Variants in CLASP2 observed in about 807,000 individuals in gnomAD.
The protein encoded by CLASP2 is CLIP-associating protein 2.
A neutral mutation model predicts 194.4 loss-of-function variants in CLASP2; 47 were observed. That is an observed-to-expected ratio of 0.24 (90% confidence interval 0.19 to 0.31). The LOEUF (loss-of-function observed/expected upper bound fraction) is 0.31, where lower values mean the gene tolerates loss of function less well. Ranked by LOEUF, CLASP2 falls within the 10% of genes least tolerant of loss-of-function variation. The pLI is 1.00. For synonymous variants in CLASP2, 619 were observed against 633.5 expected (o/e 0.98, Z 0.34); for missense variants, 1,445 against 1,823.6 (o/e 0.79, Z 3.78).
intron 19 of CLASP2, 43 bp from the exon 20 acceptor site, chr3:33,595,011 A>G (rs764244406): frequency 1.5e-5 from 20 of 1,335,314 alleles, no homozygotes; most frequent in South Asian, 1.5e-4. Context: ...AATTCTGCCA[A>G]TGTTGATATT....
intron 7 of CLASP2, among the ~76,000 whole-genome samples, chr3:33,656,558 A>T (rs2084253596): frequency 6.6e-6 from 1 of 152,298 alleles, no homozygotes; most frequent in African/African-American, 2.4e-5. Context: ...TTTTGGAGCA[A>T]ATTAGCTATA....
At chr3:33,700,087 A>C (rs2092267779) in intron 1 of CLASP2, among the ~76,000 whole-genome samples, 1 of 152,142 alleles carries the variant, frequency 6.6e-6, no homozygotes, top group Admixed American at 6.5e-5. Flanking sequence ...AAAAACTTAG[A>C]TCTACACTAA....
intron 6 of CLASP2, among the ~76,000 whole-genome samples, chr3:33,672,787 TG>T (rs1455938018): frequency 1.3e-5 from 2 of 151,996 alleles, no homozygotes; most frequent in Non-Finnish European, 2.9e-5. Flanking sequence ...GAGAACTACA[TG>T]AAAAATGCAG....
intron 6 of CLASP2, among the ~76,000 whole-genome samples, chr3:33,677,760 GAAAAA>G (rs550751096): frequency 1.4e-5 from 2 of 141,186 alleles, no homozygotes; most frequent in Non-Finnish European, 3.1e-5. Context: ...CTTGCTGCCT[GAAAAA>G]AAAAAATTAT....
chr3:33,602,889 AAC>A, intron 18 of CLASP2, 61 bp downstream of exon 18: 1 of 1,431,580 alleles, frequency 7.0e-7, no homozygotes, highest in Non-Finnish European at 9.7e-7. Context: ...AAGGTATATG[AAC>A]TTGTCTTCAC....
intron 6 of CLASP2, among the ~76,000 whole-genome samples, chr3:33,680,293 C>G (rs931909090): frequency 2.0e-5 from 3 of 152,318 alleles, no homozygotes; most frequent in East Asian, 3.9e-4. Flanking sequence ...CATTGTACAT[C>G]TGTCCAAACC....
chr3:33,684,721 C>T (rs1455986118), intron 5 of CLASP2, among the ~76,000 whole-genome samples: 2 of 152,100 alleles, frequency 1.3e-5, no homozygotes, highest in Non-Finnish European at 2.9e-5. Context: ...TATTTGTGGC[C>T]AGGCACGGTG....
At chr3:33,607,279 GC>G (rs775995808) in intron 15 of CLASP2, 104 bp downstream of exon 15, 20 of 684,412 alleles carry the variant, frequency 2.9e-5, no homozygotes, top group Non-Finnish European at 4.1e-5. Flanking sequence ...TTACTGGAGG[GC>G]TAGTCAAGTA....
intron 9 of CLASP2, among the ~76,000 whole-genome samples, chr3:33,628,945 C>T (rs2078553098): frequency 6.6e-6 from 1 of 151,880 alleles, no homozygotes; most frequent in African/African-American, 2.4e-5. Flanking sequence ...ATATCACAAG[C>T]ACCTAAAATT....
At chr3:33,613,638 A>G (rs543075307) in intron 12 of CLASP2, among the ~76,000 whole-genome samples, 2 of 152,260 alleles carry the variant, frequency 1.3e-5, no homozygotes, top group African/African-American at 2.4e-5. Context: ...AGAATAATGC[A>G]AGAAAGTGTG....
In CLASP2 at chr3:33,584,923, G is replaced by T. The variant is rs1349353932; in HGVS notation, c.2069-3C>A. On this transcript the variant is annotated splice_polypyrimidine_tract_variant and splice_region_variant and intron_variant, in intron 21 of 38. Coordinates refer to ENST00000682230, the MANE Select transcript of CLASP2 (RefSeq NM_001365631.1). Reference sequence around the variant, plus strand: ...TGGAGACCCAGACCGGCTACCAGCTGAACACCAAACACATATACAAATGTT... The same window carrying T: ...TGGAGACCCAGACCGGCTACCAGCTTAACACCAAACACATATACAAATGTT... 6.2e-7 allele frequency: 1 copy of T among 1,607,724 alleles called. No homozygotes were observed. The highest frequency in any genetic ancestry group is 8.5e-7 in the Non-Finnish European group (1 of 1,177,548).
intron 13 of CLASP2, among the ~76,000 whole-genome samples, chr3:33,611,376 T>C (rs185630066): frequency 1.6e-3 from 237 of 152,304 alleles, no homozygotes; most frequent in African/African-American, 5.6e-3. Context: ...TGAATACGCA[T>C]AGTTTACTAC....
At chr3:33,660,253 C>T (rs140469140) in intron 7 of CLASP2, among the ~76,000 whole-genome samples, 1 of 152,218 alleles carries the variant, frequency 6.6e-6, no homozygotes, top group Non-Finnish European at 1.5e-5. Context: ...GGGTCTCCAA[C>T]TTTCAGTCTT....
intron 6 of CLASP2, among the ~76,000 whole-genome samples, chr3:33,668,138 G>C (rs547117029): frequency 6.2e-4 from 94 of 152,286 alleles, no homozygotes; most frequent in African/African-American, 2.0e-3. Context: ...AGAATCGCTT[G>C]AACCCAGAAG....
At chr3:33,660,461 T>C (rs2085115831) in intron 7 of CLASP2, among the ~76,000 whole-genome samples, 1 of 152,248 alleles carries the variant, frequency 6.6e-6, no homozygotes, top group African/African-American at 2.4e-5. Flanking sequence ...ATGACAACTT[T>C]TAGCTATAAA....
At chr3:33,506,161 T>A (rs999056928) in intron 37 of CLASP2, among the ~76,000 whole-genome samples, 1 of 151,736 alleles carries the variant, frequency 6.6e-6, no homozygotes, top group Non-Finnish European at 1.5e-5. Flanking sequence ...GATCATGAGG[T>A]CAGGAGTTCA....
Position 33,608,548 on chromosome 3 carries a change from AG to A in CLASP2, c.1448+18del, listed in dbSNP as rs1346695192. The A allele has an allele frequency of 3.2e-5, 51 of 1,593,934 alleles. No homozygotes were observed. Among genetic ancestry groups the A allele is most frequent in the Non-Finnish European group, 4.4e-5 (51 of 1,164,874 alleles). On this transcript the variant is annotated intron_variant, in intron 14 of 38. Transcript: ENST00000682230. ...GACAATGGGGAGGAAAGTGGGAGGA[AG>A]GAAGAGGGAATGCATACCTTTCCAA...
intron 1 of CLASP2, among the ~76,000 whole-genome samples, chr3:33,702,888 A>C (rs1232680362): frequency 6.6e-6 from 1 of 152,208 alleles, no homozygotes; most frequent in Non-Finnish European, 1.5e-5. Flanking sequence ...CTTTTCAACA[A>C]ATGGTACTGC....
At chr3:33,584,510 C>A (rs2066905735) in intron 22 of CLASP2, among the ~76,000 whole-genome samples, 2 of 151,608 alleles carry the variant, frequency 1.3e-5, no homozygotes, top group South Asian at 2.1e-4. Context: ...AAGTGATCCA[C>A]CCCCCTCAGC....
Sources: allele counts gnomAD v4.1 joint callset (sites outside exome capture counted in the v4.1 genomes callset), GRCh38; gene constraint gnomAD v4.1.1; transcripts MANE v1.5; gene names NCBI Gene and HGNC (gene_info 2026-07-23, HGNC 2026-07-21).